Variants in PLEKHG1 observed in about 807,000 individuals in gnomAD.
PLEKHG1 encodes the protein pleckstrin homology and RhoGEF domain containing G1.
A neutral mutation model predicts 100.8 loss-of-function variants in PLEKHG1; 44 were observed. The observed-to-expected ratio is 0.44, with a 90% CI of 0.34 to 0.56. The LOEUF is 0.56. PLEKHG1 is among the 20% of genes least tolerant of loss of function. The pLI is 0.01. For missense variants in PLEKHG1, 1,545 were observed against 1,720.9 expected, an observed-to-expected ratio of 0.90 and a Z score of 1.81; for synonymous variants, 640 against 662.5, an observed-to-expected ratio of 0.97 and a Z score of 0.52.
At chr6:150,782,666 T>C (rs1785379356) in intron 3 of PLEKHG1, among the ~76,000 whole-genome samples, 1 of 152,282 alleles carries the variant, frequency 6.6e-6, no homozygotes, top group South Asian at 2.1e-4. Context: ...GATAGGACAA[T>C]CCAGCTATGT....
At chr6:150,766,653 G>A (rs923427121) in intron 2 of PLEKHG1, among the ~76,000 whole-genome samples, 1 of 152,162 alleles carries the variant, frequency 6.6e-6, no homozygotes, top group African/African-American at 2.4e-5. Context: ...CTCTGCCATG[G>A]ACTCTGAGGT....
At chr6:150,809,178 C>A (rs1787332621) in exon 8 of PLEKHG1, 4 of 1,614,146 alleles carry the variant, frequency 2.5e-6, no homozygotes, top group Non-Finnish European at 3.4e-6. Context: ...CTTGAGGGAA[C>A]CTTCCGCATC....
chr6:150,746,498 G>A (rs928255591), intron 2 of PLEKHG1, among the ~76,000 whole-genome samples: 4 of 152,116 alleles, frequency 2.6e-5, no homozygotes, highest in African/African-American at 9.7e-5. Context: ...AATAAAAACT[G>A]CCACAAATAT....
Position 150,822,007 on chromosome 6 carries a change from A to G in PLEKHG1, c.1447+774A>G, listed in dbSNP as rs1239872873. ...CAAGCATGTGCCACCGCGCCTGGCT[A>G]ATTTTGTATTTTTAGTAGAGATGGG... On this transcript the variant is annotated intron_variant, in intron 13 of 15. Transcript: ENST00000358517. Among the ~76,000 whole-genome samples, 3 of 150,818 alleles carry G rather than the reference A, an allele frequency of 2.0e-5. 1 individual carries two copies. The highest frequency in any genetic ancestry group is 6.6e-5 in the Admixed American group (1 of 15,188).
At chr6:150,695,707 CAAAAG>C (rs1256555209) in intron 3 of PLEKHG1, among the ~76,000 whole-genome samples, 1 of 152,002 alleles carries the variant, frequency 6.6e-6, no homozygotes, top group Non-Finnish European at 1.5e-5. Context: ...CCAAAAAAGT[CAAAAG>C]AAAAACAAAC....
At chr6:150,809,717 G>T (rs1335662592) in exon 10 of PLEKHG1, 1 of 1,613,464 alleles carries the variant, frequency 6.2e-7, no homozygotes, top group Admixed American at 1.7e-5. Flanking sequence ...GAACCATGCA[G>T]CCAAGATTCC....
At chr6:150,648,051 A>G (rs770155185) in intron 2 of PLEKHG1, among the ~76,000 whole-genome samples, 69 of 152,072 alleles carry the variant, frequency 4.5e-4, no homozygotes, top group Non-Finnish European at 8.7e-4. Context: ...ATTTCTTTAA[A>G]TGTCTTCTAT....
In PLEKHG1 at chr6:150,831,079, C is replaced by T; in HGVS notation, c.1968C>T (p.Asp656=). 6.2e-7 allele frequency: 1 copy of T among 1,614,010 alleles called. No individual in the cohort carries two copies. The highest frequency in any genetic ancestry group is 8.5e-7 in the Non-Finnish European group (1 of 1,179,948). Residue 656 remains aspartate (D), a synonymous_variant, in exon 15 of 16, where the codon GAC becomes GAT. Coordinates refer to ENST00000358517, the Ensembl canonical transcript of PLEKHG1. The surrounding 1 kb of genome is among the most constrained non-coding windows in gnomAD (Gnocchi z 4.1). ...CATCCATAGAGTTGACTATTGATGACATAGACCATGTCTATGATAACATCA... is the reference window on the plus strand; with the variant it reads ...CATCCATAGAGTTGACTATTGATGATATAGACCATGTCTATGATAACATCA...
At chr6:150,779,597 C>G in intron 3 of PLEKHG1, among the ~76,000 whole-genome samples, 1 of 151,660 alleles carries the variant, frequency 6.6e-6, no homozygotes, top group East Asian at 2.0e-4. Context: ...CCGCCCGCCT[C>G]GGCCTCCTAA....
At chr6:150,627,064 A>G (rs1016553770) in intron 1 of PLEKHG1, among the ~76,000 whole-genome samples, 1 of 152,058 alleles carries the variant, frequency 6.6e-6, no homozygotes, top group African/African-American at 2.4e-5. Flanking sequence ...AGATCAAGGG[A>G]AGAAGAATTT....
chr6:150,779,310 A>G lies in PLEKHG1; in HGVS notation c.513-7080A>G, dbSNP rs1226476171. On this transcript the variant is annotated intron_variant, in intron 3 of 15. Transcript: ENST00000358517. ...AGCTTGGAGGCAATCCGAACATACA[A>G]TTTAAAACACAGGGGGTTAAATATT... 4.1e-5 allele frequency among the ~76,000 whole-genome samples: 6 copies of G among 146,530 alleles called. No individual in the cohort carries two copies. The South Asian group carries it at 1.3e-3, about 32-fold the overall frequency.
At chr6:150,689,477 T>C (rs1010253349) in intron 3 of PLEKHG1, among the ~76,000 whole-genome samples, 4 of 152,270 alleles carry the variant, frequency 2.6e-5, no homozygotes, top group Admixed American at 6.5e-5. Flanking sequence ...CTCTAACATT[T>C]AGTCCAGGAC....
intron 4 of PLEKHG1, among the ~76,000 whole-genome samples, chr6:150,790,144 C>G (rs1022765802): frequency 4.6e-5 from 7 of 152,168 alleles, no homozygotes; most frequent in Admixed American, 2.0e-4. Context: ...CCTCCGCCCC[C>G]ACGAGTAGCT....
chr6:150,612,549 T>G (rs1776897758), intron 1 of PLEKHG1, among the ~76,000 whole-genome samples: 1 of 152,128 alleles, frequency 6.6e-6, no homozygotes, highest in Non-Finnish European at 1.5e-5. Context: ...TCCAGGCTGG[T>G]CTCAAACTCC....
At chr6:150,811,636 A>T (rs1049785366) in intron 10 of PLEKHG1, among the ~76,000 whole-genome samples, 2 of 74,730 alleles carry the variant, frequency 2.7e-5, no homozygotes, top group African/African-American at 8.2e-5. Flanking sequence ...GACCTGCATT[A>T]AAAAAAAAAA....
At chr6:150,780,008 T>C (rs1785219022) in intron 3 of PLEKHG1, among the ~76,000 whole-genome samples, 1 of 151,810 alleles carries the variant, frequency 6.6e-6, no homozygotes, top group South Asian at 2.1e-4. Context: ...CTCACAGTTC[T>C]TCTCTGCTCA....
chr6:150,771,732 T>C (rs72570374), intron 3 of PLEKHG1, among the ~76,000 whole-genome samples: 10,204 of 152,016 alleles, frequency 0.067, 455 homozygotes, highest in East Asian at 0.13. Context: ...TCAGCTCCTA[T>C]TAGTTCAGGT....
At chr6:150,825,322 T>C (rs1776535924) in intron 14 of PLEKHG1, among the ~76,000 whole-genome samples, 2 of 152,164 alleles carry the variant, frequency 1.3e-5, no homozygotes, top group African/African-American at 2.4e-5. Context: ...ACACCTGTAA[T>C]CCTAGCACTT....
At chr6:150,808,739 G>A (rs192840034) in intron 7 of PLEKHG1, among the ~76,000 whole-genome samples, 20 of 152,186 alleles carry the variant, frequency 1.3e-4, no homozygotes, top group East Asian at 3.9e-4. Flanking sequence ...GTGACAGAGC[G>A]AGACTCTGTC....
Sources: allele counts gnomAD v4.1 joint callset (sites outside exome capture counted in the v4.1 genomes callset), GRCh38; gene constraint gnomAD v4.1.1; non-coding constraint Gnocchi (gnomAD v3.1); transcripts MANE v1.5; gene names NCBI Gene and HGNC (gene_info 2026-07-23, HGNC 2026-07-21).